TAOK3: variants seen among roughly 807,000 people sequenced by gnomAD.
TAOK3 encodes the protein TAO kinase 3.
A neutral mutation model predicts 120.4 loss-of-function variants in TAOK3; 40 were observed. That is an observed-to-expected ratio of 0.33 (90% CI 0.26 to 0.43). The LOEUF (loss-of-function observed/expected upper bound fraction) is 0.43, where lower values mean the gene tolerates loss of function less well. TAOK3 is among the 20% of genes least tolerant of loss of function. The pLI is 1.00. For synonymous variants in TAOK3, 355 were observed against 387.5 expected (o/e 0.92, Z 0.99); for missense variants, 821 against 1,112.1 (o/e 0.74, Z 3.72).
intron 16 of TAOK3, among the ~76,000 whole-genome samples, chr12:118,174,310 TC>T (rs1349371958): frequency 2.0e-5 from 3 of 151,980 alleles, no homozygotes; most frequent in African/African-American, 4.8e-5. Flanking sequence ...AAGCTTTACT[TC>T]AGAAAAAGTA....
chr12:118,223,641 CG>C (rs2039359925), intron 9 of TAOK3, among the ~76,000 whole-genome samples: 1 of 129,804 alleles, frequency 7.7e-6, no homozygotes, highest in Admixed American at 8.4e-5. Context: ...CCACCGCACC[CG>C]GCATTTTTTT....
At chr12:118,178,321 G>T (rs1233055100) in intron 15 of TAOK3, among the ~76,000 whole-genome samples, 1 of 152,122 alleles carries the variant, frequency 6.6e-6, no homozygotes, top group East Asian at 1.9e-4. Flanking sequence ...TAGCCCAAAG[G>T]TTAAGTTGTA....
chr12:118,183,505 C>T (rs1452159270), intron 14 of TAOK3, among the ~76,000 whole-genome samples: 2 of 151,492 alleles, frequency 1.3e-5, no homozygotes, highest in East Asian at 3.9e-4. Context: ...ACCTAACCCT[C>T]TAAAGAAAAT....
rs115052177 is a variant in TAOK3, at chr12:118,164,817, G to A, written c.1900-2790C>T. ...ATTATTTATTTTAATAGATATCATC[G>A]ATAACATTTTTATACTGGCGTGGTT... On this transcript the variant is annotated intron_variant, in intron 17 of 20. Coordinates refer to ENST00000392533, the MANE Select transcript of TAOK3 (RefSeq NM_016281.4). Among the ~76,000 whole-genome samples the A allele has an allele frequency of 4.4e-3, 665 of 152,260 alleles. 6 individuals carry two copies. Among genetic ancestry groups the A allele is most frequent in the African/African-American group, 0.016 (650 of 41,548 alleles).
At chr12:118,178,604 C>G (rs560151951) in intron 15 of TAOK3, among the ~76,000 whole-genome samples, 2 of 152,224 alleles carry the variant, frequency 1.3e-5, no homozygotes, top group South Asian at 4.1e-4. Context: ...ATTACAGGCA[C>G]AAGCCACCAC....
At chr12:118,315,442 T>TC in intron 1 of TAOK3, among the ~76,000 whole-genome samples, 1 of 141,132 alleles carries the variant, frequency 7.1e-6, no homozygotes, top group South Asian at 2.3e-4. Flanking sequence ...ATGCAAATGT[T>TC]AAAACCCACA....
chr12:118,249,178 T>C (rs1040651705), intron 3 of TAOK3, among the ~76,000 whole-genome samples: 2 of 152,224 alleles, frequency 1.3e-5, no homozygotes, highest in African/African-American at 4.8e-5. Context: ...GAAATACTTA[T>C]TAAGAACTTA....
intron 1 of TAOK3, among the ~76,000 whole-genome samples, chr12:118,318,784 T>G (rs944730120): frequency 2.0e-5 from 3 of 152,232 alleles, no homozygotes; most frequent in Non-Finnish European, 4.4e-5. Flanking sequence ...CTTTTCATGT[T>G]CATTGCAACA....
chr12:118,226,531 TAAA>T (rs140746961), intron 9 of TAOK3, among the ~76,000 whole-genome samples: 11 of 124,756 alleles, frequency 8.8e-5, no homozygotes, highest in African/African-American at 1.5e-4. Flanking sequence ...AGACTCCGTC[TAAA>T]AAAAAAAAAA....
chr12:118,215,451 G>A (rs1014693741), intron 9 of TAOK3, among the ~76,000 whole-genome samples: 9 of 151,772 alleles, frequency 5.9e-5, no homozygotes, highest in South Asian at 2.1e-4. Flanking sequence ...GGCAGAGCTT[G>A]CAGTAAGCCA....
intron 1 of TAOK3, among the ~76,000 whole-genome samples, chr12:118,321,475 G>C (rs1243710908): frequency 1.3e-5 from 2 of 152,054 alleles, no homozygotes; most frequent in Non-Finnish European, 2.9e-5. Flanking sequence ...GCCCAGGCTG[G>C]TCTTGAACTA....
At chr12:118,218,720 C>A (rs1291263791) in intron 9 of TAOK3, among the ~76,000 whole-genome samples, 2 of 152,010 alleles carry the variant, frequency 1.3e-5, no homozygotes, top group African/African-American at 4.8e-5. Flanking sequence ...GTGGAACCCA[C>A]AGATTTGGAG....
intron 1 of TAOK3, among the ~76,000 whole-genome samples, chr12:118,300,858 C>T (rs1339667391): frequency 6.6e-6 from 1 of 152,118 alleles, no homozygotes; most frequent in Non-Finnish European, 1.5e-5. Context: ...TCACTACCAC[C>T]TCTGCCTCCT....
chr12:118,243,364 G>A (rs1406763674), intron 5 of TAOK3, 51 bp downstream of exon 5: 1 of 1,026,962 alleles, frequency 9.7e-7, no homozygotes, highest in Non-Finnish European at 1.4e-6. Context: ...AGAAAAAAAA[G>A]AAAAAGAAAA....
At chr12:118,356,093 T>C (rs1017448756) in intron 1 of TAOK3, among the ~76,000 whole-genome samples, 1 of 152,172 alleles carries the variant, frequency 6.6e-6, no homozygotes, top group Non-Finnish European at 1.5e-5. Flanking sequence ...TTCTAAGAAT[T>C]GTGTGATACA....
chr12:118,151,102 T>C lies in TAOK3; in HGVS notation c.2592A>G (p.Leu864=), dbSNP rs2034369865. ...QKERSERIKN[L]LERQEREIET... is the part of the protein sequence containing the mutation. ...CAATCTCTCGCTCTTGCCTTTCCAATAGGTTCTTTATTCTCTCGCTGCGTT... is the reference window on the plus strand; with the variant it reads ...CAATCTCTCGCTCTTGCCTTTCCAACAGGTTCTTTATTCTCTCGCTGCGTT... The change falls in exon 21 of 21, where the codon CTA becomes CTG. Residue 864 remains leucine (L), a synonymous_variant. Coordinates refer to ENST00000392533, the MANE Select transcript of TAOK3 (RefSeq NM_016281.4). The C allele has an allele frequency of 3.1e-6, 5 of 1,613,958 alleles. No individual in the cohort carries two copies. The highest frequency in any genetic ancestry group is 1.1e-5 in the South Asian group (1 of 91,080).
chr12:118,349,015 T>C (rs1167423050), intron 1 of TAOK3, among the ~76,000 whole-genome samples: 7 of 151,774 alleles, frequency 4.6e-5, no homozygotes, highest in Admixed American at 4.6e-4. Context: ...CCTCAGGCTC[T>C]TGAGTAGCTG....
intron 5 of TAOK3, among the ~76,000 whole-genome samples, chr12:118,240,178 C>CT (rs57739118): frequency 0.017 from 2,311 of 134,280 alleles, 32 homozygotes; most frequent in African/African-American, 0.032. Context: ...TTTCTTTACT[C>CT]TTTTTTTTTT....
chr12:118,235,117 C>A (rs2039968370), intron 8 of TAOK3, among the ~76,000 whole-genome samples: 1 of 152,192 alleles, frequency 6.6e-6, no homozygotes. Flanking sequence ...GCCAGACTGA[C>A]AAGCTAGGTA....
Sources: allele counts gnomAD v4.1 joint callset (sites outside exome capture counted in the v4.1 genomes callset), GRCh38; gene constraint gnomAD v4.1.1; transcripts MANE v1.5; gene names NCBI Gene and HGNC (gene_info 2026-07-23, HGNC 2026-07-21).